The following PPP1R14C variants were observed in gnomAD, a reference collection of about 807,000 sequenced individuals.
The protein encoded by PPP1R14C is protein phosphatase 1 regulatory inhibitor subunit 14C.
A neutral mutation model predicts 20.4 loss-of-function variants in PPP1R14C; 16 were observed. The ratio of observed to expected loss-of-function variants is 0.78; its 90% CI spans 0.53 to 1.19. The LOEUF (loss-of-function observed/expected upper bound fraction) is 1.19. Ranked by LOEUF, PPP1R14C falls within the 50% of genes most tolerant of loss-of-function variation. The pLI is 0.00. For missense variants in PPP1R14C, 211 were observed against 220.1 expected (o/e 0.96, Z 0.26); for synonymous variants, 91 against 91.0 (o/e 1.00, Z 0.00).
chr6:150,147,750 G>A (rs1284376435), intron 1 of PPP1R14C, among the ~76,000 whole-genome samples: 1 of 152,146 alleles, frequency 6.6e-6, no homozygotes, highest in Non-Finnish European at 1.5e-5. Flanking sequence ...CACCTTAGTA[G>A]GTCTTTCCCT....
In PPP1R14C at chr6:150,214,745, A is replaced by C; in HGVS notation, c.308A>C (p.Glu103Ala). The C allele has an allele frequency of 6.2e-7, 1 of 1,612,476 alleles. No homozygotes were observed. The highest frequency in any genetic ancestry group is 8.5e-7 in the Non-Finnish European group (1 of 1,179,120). The change falls in exon 2 of 4, where the codon GAA becomes GCA. Residue 103 changes from glutamate (E) to alanine (A), a missense_variant and splice_region_variant. Physicochemically the swap from Glu to Ala is moderately radical, Grantham distance 107 (BLOSUM62 -1). Transcript: ENST00000361131. ...EQLGQLYGCE[E>A]EEMPEVEIDI... is the part of the protein sequence containing the mutation. ...TCATATCCTCCCACTGCCCCCCAGG[A>C]AGAAGAAATGCCAGAGGTAGAAATT... is the stretch of plus-strand genomic sequence containing the variant.
intron 3 of PPP1R14C, among the ~76,000 whole-genome samples, chr6:150,224,064 C>T (rs1452938950): frequency 6.6e-6 from 1 of 152,154 alleles, no homozygotes; most frequent in Non-Finnish European, 1.5e-5. Context: ...TCATTTTTTG[C>T]ACGTGGATTT....
chr6:150,246,452 C>G (rs1310108592), intron 3 of PPP1R14C, among the ~76,000 whole-genome samples: 1 of 152,064 alleles, frequency 6.6e-6, no homozygotes, highest in African/African-American at 2.4e-5. Context: ...ATAGGAAATG[C>G]ATTTACATTT....
At chr6:150,233,841 T>G (rs1279493022) in intron 3 of PPP1R14C, among the ~76,000 whole-genome samples, 5 of 152,154 alleles carry the variant, frequency 3.3e-5, no homozygotes, top group Non-Finnish European at 7.4e-5. Flanking sequence ...TCCTGACAGC[T>G]CAGAGCACGC....
chr6:150,193,066 G>A (rs1003407601), intron 1 of PPP1R14C, among the ~76,000 whole-genome samples: 1 of 152,160 alleles, frequency 6.6e-6, no homozygotes, highest in Non-Finnish European at 1.5e-5. Flanking sequence ...TAAGTACAGA[G>A]TATAAATCAT....
At chr6:150,168,509 G>A (rs559967037) in intron 1 of PPP1R14C, among the ~76,000 whole-genome samples, 17 of 147,476 alleles carry the variant, frequency 1.2e-4, no homozygotes, top group Admixed American at 2.7e-4. Context: ...CTCCAGCCTG[G>A]GCGAAAGAGC....
At chr6:150,197,775 C>T (rs535404705) in intron 1 of PPP1R14C, among the ~76,000 whole-genome samples, 2 of 145,844 alleles carry the variant, frequency 1.4e-5, no homozygotes, top group South Asian at 2.3e-4. Context: ...CTGGCCGCCA[C>T]GGTGGAGGAG....
rs556433057 is a variant in PPP1R14C at position 150,159,552 on chromosome 6, C to T, written c.306+16054C>T. Among the ~76,000 whole-genome samples, 4 of 152,260 alleles carry T rather than the reference C, an allele frequency of 2.6e-5. No individual in the cohort carries two copies. The South Asian group carries it at 8.3e-4, about 32-fold the overall frequency. On this transcript the variant is annotated intron_variant, in intron 1 of 3. Transcript: ENST00000361131. ...GTCCATCCTTCTGTCAGCCAGTGCG[C>T]TGTCCTTCTGTCCCTCCTTCCAATA...
At chr6:150,239,913 G>C (rs1778411735) in intron 3 of PPP1R14C, among the ~76,000 whole-genome samples, 1 of 152,068 alleles carries the variant, frequency 6.6e-6, no homozygotes, top group Non-Finnish European at 1.5e-5. Context: ...AATTAGCTGG[G>C]CGTGGTGGTG....
rs567381432 is a variant in PPP1R14C at position 150,181,961 on chromosome 6, G to T, written c.307-32783G>T. On this transcript the variant is annotated intron_variant, in intron 1 of 3. Coordinates refer to ENST00000361131, the MANE Select transcript of PPP1R14C (RefSeq NM_030949.3). ...TCTTCGTCCGTAGCAGCTGCTAGTT[G>T]AAGTGGGAAATAGGATTCAGTGGTG... 3.3e-5 allele frequency among the ~76,000 whole-genome samples: 5 copies of T among 152,306 alleles called. No homozygotes were observed. The South Asian group carries it at 6.2e-4, about 19-fold the overall frequency.
At chr6:150,165,320 A>G (rs1475333333) in intron 1 of PPP1R14C, among the ~76,000 whole-genome samples, 2 of 152,242 alleles carry the variant, frequency 1.3e-5, no homozygotes, top group Non-Finnish European at 2.9e-5. Context: ...GAGTTTTAAA[A>G]TATCTGGGCT....
intron 3 of PPP1R14C, among the ~76,000 whole-genome samples, chr6:150,225,873 C>T (rs1778224465): frequency 6.6e-6 from 1 of 152,200 alleles, no homozygotes; most frequent in South Asian, 2.1e-4. Flanking sequence ...GCTTGCCTAT[C>T]ACATGTTAAA....
At chr6:150,181,789 T>C (rs183792434) in intron 1 of PPP1R14C, among the ~76,000 whole-genome samples, 16 of 152,376 alleles carry the variant, frequency 1.1e-4, no homozygotes, top group Non-Finnish European at 2.2e-4. Flanking sequence ...TTTTTGTGTA[T>C]ATGTGTTAAG....
intron 1 of PPP1R14C, among the ~76,000 whole-genome samples, chr6:150,163,009 T>G (rs547525515): frequency 6.6e-6 from 1 of 152,146 alleles, no homozygotes; most frequent in Non-Finnish European, 1.5e-5. Flanking sequence ...GCAAACACCC[T>G]CTGGCAGGAT....
chr6:150,196,433 T>C (rs1458069891), intron 1 of PPP1R14C, among the ~76,000 whole-genome samples: 1 of 151,778 alleles, frequency 6.6e-6, no homozygotes, highest in Non-Finnish European at 1.5e-5. Flanking sequence ...AATTCTTGAA[T>C]CTAGTTTCTC....
In PPP1R14C at chr6:150,249,650, T is replaced by C. The variant is rs573909856; in HGVS notation, c.*830T>C. On this transcript the variant is annotated 3_prime_UTR_variant, in exon 4 of 4. Transcript: ENST00000361131. ...CACACTATCTCAGTGGTATTTTGCA[T>C]TGGAAAAAGGAAGCACTGTGTAGCA... 2.1e-4 allele frequency: 82 copies of C among 398,032 alleles called. No individual in the cohort carries two copies. Among genetic ancestry groups the C allele is most frequent in the African/African-American group, 9.5e-4 (46 of 48,612 alleles). The allele number at this position is 398,032 out of a possible 1,614,324, so 24.7% of individuals were successfully genotyped here.
intron 3 of PPP1R14C, among the ~76,000 whole-genome samples, chr6:150,219,948 C>T (rs116647170): frequency 0.015 from 2,260 of 152,160 alleles, 30 homozygotes; most frequent in South Asian, 0.023. Context: ...ACCTGCCTTC[C>T]GGGTTCAAGC....
At chr6:150,176,345 G>A (rs1333843553) in intron 1 of PPP1R14C, among the ~76,000 whole-genome samples, 5 of 152,226 alleles carry the variant, frequency 3.3e-5, no homozygotes, top group Admixed American at 6.5e-5. Context: ...CGGGGTGCCC[G>A]TGGTACAATC....
chr6:150,220,339 G>T (rs1285482768), intron 3 of PPP1R14C, among the ~76,000 whole-genome samples: 1 of 152,204 alleles, frequency 6.6e-6, no homozygotes, highest in Non-Finnish European at 1.5e-5. Flanking sequence ...AGGGTTGACG[G>T]TCTGACTTTA....
Sources: allele counts gnomAD v4.1 joint callset (sites outside exome capture counted in the v4.1 genomes callset), GRCh38; gene constraint gnomAD v4.1.1; transcripts MANE v1.5; gene names NCBI Gene and HGNC (gene_info 2026-07-23, HGNC 2026-07-21).